CEP83: variants seen among roughly 807,000 people sequenced by gnomAD.
CEP83 encodes centrosomal protein 83, also known as centrosomal protein of 83 kDa.
In CEP83, 70 loss-of-function variants were observed where a neutral mutation model predicts 101.9. The observed-to-expected ratio is 0.69, with a 90% CI of 0.57 to 0.84. CEP83 has a LOEUF of 0.84. Among genes scored for constraint, CEP83 ranks in the 40% least tolerant of loss-of-function variants. The pLI, the probability that CEP83 is intolerant of heterozygous loss-of-function variation, is 0.00. For synonymous variants in CEP83, 264 were observed against 267.9 expected (o/e 0.99, Z 0.14); for missense variants, 715 against 787.2 (o/e 0.91, Z 1.10).
At chr12:94,310,141 G>A in intron 15 of CEP83, 34 bp from the exon 16 acceptor site, 2 of 1,152,542 alleles carry the variant, frequency 1.7e-6, no homozygotes, top group South Asian at 1.6e-5. Context: ...CTTTAACATG[G>A]TTATACCCTA....
chr12:94,337,457 A>G (rs2059498141), intron 11 of CEP83, among the ~76,000 whole-genome samples: 2 of 152,286 alleles, frequency 1.3e-5, no homozygotes, highest in South Asian at 4.1e-4. Context: ...ATTCTATGGG[A>G]TAATGAATCT....
chr12:94,367,280 G>A (rs2061070849), intron 11 of CEP83, among the ~76,000 whole-genome samples: 1 of 152,116 alleles, frequency 6.6e-6, no homozygotes, highest in Non-Finnish European at 1.5e-5. Flanking sequence ...GGGGAAAAAT[G>A]TGGCAGATAC....
At chr12:94,287,997 G>GCTTT in the CEP83 span, among the ~76,000 whole-genome samples, 1 of 152,164 alleles carries the variant, frequency 6.6e-6, no homozygotes, top group African/African-American at 2.4e-5. Context: ...ATGCCTCAAG[G>GCTTT]CTTGAAAGCA....
chr12:94,334,649 T>A (rs2059379021), intron 12 of CEP83, among the ~76,000 whole-genome samples: 1 of 152,138 alleles, frequency 6.6e-6, no homozygotes, highest in South Asian at 2.1e-4. Flanking sequence ...TGGGTAATAA[T>A]CTCATTACTT....
chr12:94,394,710 T>C (rs545332683), intron 6 of CEP83, among the ~76,000 whole-genome samples: 84 of 152,126 alleles, frequency 5.5e-4, no homozygotes, highest in African/African-American at 1.8e-3. Flanking sequence ...GGAAGAAAAT[T>C]TTTACAATCT....
chr12:94,391,334 T>C (rs2062519039), intron 6 of CEP83, among the ~76,000 whole-genome samples: 1 of 152,156 alleles, frequency 6.6e-6, no homozygotes, highest in African/African-American at 2.4e-5. Flanking sequence ...AACATTCTTA[T>C]AGAAAAGAAT....
chr12:94,377,874 A>AATGATACTGACAACTT (rs1215176555), intron 7 of CEP83, among the ~76,000 whole-genome samples: 2 of 152,236 alleles, frequency 1.3e-5, no homozygotes, highest in Non-Finnish European at 2.9e-5. Context: ...TTTAAGGTAC[A>AATGATACTGACAACTT]ATGATACTGA....
the CEP83 span, chr12:94,279,880 G>C: frequency 1.5e-6 from 1 of 675,096 alleles, no homozygotes; most frequent in African/African-American, 1.8e-5. Flanking sequence ...GTTTGTTGTT[G>C]TTGTCTTTAA....
At chr12:94,279,928 C>T in the CEP83 span, 1 of 559,408 alleles carries the variant, frequency 1.8e-6, no homozygotes, top group Non-Finnish European at 3.3e-6. Context: ...AGATTGCAGG[C>T]CCTGAGACTG....
At chr12:94,277,548 G>A in the CEP83 span, among the ~76,000 whole-genome samples, 1 of 152,152 alleles carries the variant, frequency 6.6e-6, no homozygotes, top group East Asian at 1.9e-4. Flanking sequence ...CATACACAGA[G>A]GTTACACAGC....
chr12:94,336,315 T>A (rs2059445551), intron 11 of CEP83, among the ~76,000 whole-genome samples: 1 of 152,192 alleles, frequency 6.6e-6, no homozygotes, highest in South Asian at 2.1e-4. Context: ...AGTAACCTCA[T>A]GAGGAAGACA....
At chr12:94,435,553 T>G (rs1363167221) in intron 1 of CEP83, among the ~76,000 whole-genome samples, 1 of 152,090 alleles carries the variant, frequency 6.6e-6, no homozygotes, top group Non-Finnish European at 1.5e-5. Flanking sequence ...TCTCGGGAGC[T>G]CTATGGGCCT....
chr12:94,424,460 G>A, intron 2 of CEP83: 1 of 1,614,024 alleles, frequency 6.2e-7, no homozygotes, highest in Non-Finnish European at 8.5e-7. Context: ...GGTCCCACTG[G>A]TATCTCGAAG....
At chr12:94,280,272 T>C in the CEP83 span, 1 of 167,576 alleles carries the variant, frequency 6.0e-6, no homozygotes, top group Non-Finnish European at 1.3e-5. Context: ...CATCAACATT[T>C]TAAAGTTGAG....
chr12:94,445,368 T>G (rs1566231170), intron 1 of CEP83, among the ~76,000 whole-genome samples: 1 of 151,888 alleles, frequency 6.6e-6, no homozygotes, highest in East Asian at 1.9e-4. Flanking sequence ...ATTAAAAACC[T>G]AAACTATAAA....
At chr12:94,378,442 C>T (rs1338247385) in intron 7 of CEP83, among the ~76,000 whole-genome samples, 1 of 152,120 alleles carries the variant, frequency 6.6e-6, no homozygotes, top group African/African-American at 2.4e-5. Context: ...AATGTACTAT[C>T]TTGAAAGAAA....
intron 2 of CEP83, among the ~76,000 whole-genome samples, chr12:94,420,555 T>C (rs904964544): frequency 8.5e-5 from 13 of 152,186 alleles, no homozygotes; most frequent in African/African-American, 3.1e-4. Context: ...CTTAAAACCT[T>C]ATGAGAGTTT....
chr12:94,334,433 C>T (rs181688307), intron 12 of CEP83, among the ~76,000 whole-genome samples: 94 of 152,194 alleles, frequency 6.2e-4, no homozygotes, highest in Non-Finnish European at 9.7e-4. Context: ...TTATTTGGGA[C>T]AGTTACACAT....
At chr12:94,377,371 A>G (rs2061606429) in intron 7 of CEP83, among the ~76,000 whole-genome samples, 1 of 152,130 alleles carries the variant, frequency 6.6e-6, no homozygotes. Context: ...CATATCAGTA[A>G]CCCAGGAAAA....
Sources: gnomAD v4.1 joint callset for allele counts (sites outside exome capture counted in the v4.1 genomes callset) on GRCh38, gnomAD v4.1.1 for gene constraint, MANE v1.5 for transcripts, NCBI Gene and HGNC (gene_info 2026-07-23, HGNC 2026-07-21) for gene names.